LAMP1: variants seen among roughly 807,000 people sequenced by gnomAD.
LAMP1 encodes lysosome associated membrane protein 1.
Under a neutral mutation model 37.5 loss-of-function variants are expected in LAMP1, and 7 were observed. That is an observed-to-expected ratio of 0.19 (90% confidence interval 0.11 to 0.35). The LOEUF is 0.35. Ranked by LOEUF, LAMP1 falls within the 10% of genes least tolerant of loss-of-function variation. The pLI is 1.00. For missense variants in LAMP1, 537 were observed against 552.8 expected (o/e 0.97, Z 0.29); for synonymous variants, 236 against 229.1 (o/e 1.03, Z -0.27).
chr13:113,309,377 A>G (rs1037525786), intron 2 of LAMP1, among the ~76,000 whole-genome samples: 1 of 152,234 alleles, frequency 6.6e-6, no homozygotes, highest in African/African-American at 2.4e-5. Context: ...TTAGCATTAC[A>G]GGTGTGAGCC....
At chr13:113,315,228 CT>C (rs1473272669) in intron 4 of LAMP1, among the ~76,000 whole-genome samples, 2 of 148,882 alleles carry the variant, frequency 1.3e-5, no homozygotes, top group Non-Finnish European at 3.0e-5. Flanking sequence ...GCGTGGCCTC[CT>C]GGAGGGAGCC....
intron 4 of LAMP1, among the ~76,000 whole-genome samples, chr13:113,316,137 C>CA (rs1437638596): frequency 3.9e-5 from 6 of 152,132 alleles, no homozygotes; most frequent in Admixed American, 1.3e-4. Context: ...AGATGACTGT[C>CA]ACTCCAGAGG....
At chr13:113,306,461 C>T (rs1328802179) in intron 1 of LAMP1, 24 bp from the exon 2 acceptor site, 1 of 1,609,934 alleles carries the variant, frequency 6.2e-7, no homozygotes, top group Non-Finnish European at 8.5e-7. Flanking sequence ...TTTTGATGGT[C>T]TCCGTCTTCC....
At chr13:113,307,195 T>G (rs867632755) in intron 2 of LAMP1, among the ~76,000 whole-genome samples, 29 of 148,370 alleles carry the variant, frequency 2.0e-4, no homozygotes, top group Admixed American at 6.2e-4. Context: ...TCTTGGTTTG[T>G]CGCCCAGGCT....
At chr13:113,311,328 AG>A (rs1328162580) in intron 4 of LAMP1, among the ~76,000 whole-genome samples, 10 of 152,264 alleles carry the variant, frequency 6.6e-5, no homozygotes, top group African/African-American at 2.2e-4. Context: ...ACCATAAAAA[AG>A]TAAGTGTTTG....
chr13:113,299,673 G>A (rs929784870), intron 1 of LAMP1, among the ~76,000 whole-genome samples: 11 of 151,076 alleles, frequency 7.3e-5, no homozygotes, highest in Admixed American at 7.3e-4. Flanking sequence ...TGTTCAAGCA[G>A]TTCTCCTGCC....
At chr13:113,298,490 A>G (rs1566395472) in intron 1 of LAMP1, among the ~76,000 whole-genome samples, 1 of 144,316 alleles carries the variant, frequency 6.9e-6, no homozygotes, top group African/African-American at 2.6e-5. Flanking sequence ...AAGCTGGGGG[A>G]GTGTGTGTGA....
chr13:113,310,093 G>A (rs1401279843), intron 3 of LAMP1, among the ~76,000 whole-genome samples: 1 of 152,098 alleles, frequency 6.6e-6, no homozygotes, highest in African/African-American at 2.4e-5. Context: ...GCCAGGTGTG[G>A]TGGCGGGCAC....
chr13:113,305,869 C>T (rs1468468827), intron 1 of LAMP1: 1 of 152,344 alleles, frequency 6.6e-6, no homozygotes, highest in African/African-American at 2.4e-5. Context: ...CAGCGTATGC[C>T]TAGGATGATG....
At chr13:113,299,256 T>G (rs1357568507) in intron 1 of LAMP1, among the ~76,000 whole-genome samples, 1 of 151,530 alleles carries the variant, frequency 6.6e-6, no homozygotes, top group African/African-American at 2.4e-5. Flanking sequence ...ATTATATCTT[T>G]TATGTTTACA....
intron 4 of LAMP1, among the ~76,000 whole-genome samples, chr13:113,317,720 A>C (rs1207750132): frequency 6.8e-6 from 1 of 146,922 alleles, no homozygotes; most frequent in Admixed American, 6.8e-5. Flanking sequence ...TTTTTGAGAC[A>C]GGGTCTCCCA....
At chr13:113,307,792 T>TG (rs1233460770) in intron 2 of LAMP1, among the ~76,000 whole-genome samples, 1 of 15,164 alleles carries the variant, frequency 6.6e-5, no homozygotes, top group Non-Finnish European at 2.1e-4. Context: ...TCTTATCTCT[T>TG]TTTTAAAAAA....
At chr13:113,310,897 C>T in intron 4 of LAMP1, 30 bp downstream of exon 4, 1 of 1,598,620 alleles carries the variant, frequency 6.3e-7, no homozygotes, top group Non-Finnish European at 8.5e-7. Context: ...CCCTCTGGTG[C>T]TAGTGGTTGG....
intron 4 of LAMP1, among the ~76,000 whole-genome samples, chr13:113,317,303 T>A (rs1275298978): frequency 6.6e-6 from 1 of 152,170 alleles, no homozygotes; most frequent in African/African-American, 2.4e-5. Flanking sequence ...TCCGTCACTG[T>A]CCTCCGCCCT....
intron 1 of LAMP1, among the ~76,000 whole-genome samples, chr13:113,301,854 A>ATTTTTTTTTTTT (rs1595456796): frequency 9.2e-6 from 1 of 108,558 alleles, no homozygotes; most frequent in East Asian, 3.1e-4. Context: ...CTAAGATGTG[A>ATTTTTTTTTTTT]TTTCTTTTTT....
rs570846043 is a variant in LAMP1 at position 113,313,107 on chromosome 13, C to T, written c.562+2240C>T. Among the ~76,000 whole-genome samples, 5 of 152,250 alleles carry T rather than the reference C, an allele frequency of 3.3e-5. No homozygotes were observed. The South Asian group carries it at 1.0e-3, about 32-fold the overall frequency. ...CTGGACACGGTTGCAGAACGTGTCT[C>T]CTCCCCATGTCGCTCTGTGACCGAG... On this transcript the variant is annotated intron_variant, in intron 4 of 8. Transcript: ENST00000332556.
intron 5 of LAMP1, 86 bp downstream of exon 5, chr13:113,319,742 T>C (rs1566404200): frequency 2.4e-6 from 3 of 1,255,982 alleles, no homozygotes; most frequent in Non-Finnish European, 3.4e-6. Context: ...CACGCGTCTC[T>C]GCACGTCATG....
chr13:113,317,252 G>C (rs2042670667), intron 4 of LAMP1, among the ~76,000 whole-genome samples: 1 of 152,166 alleles, frequency 6.6e-6, no homozygotes, highest in Non-Finnish European at 1.5e-5. Context: ...TCTCCCCCCG[G>C]GCAGCGCAGG....
chr13:113,313,721 T>G, intron 4 of LAMP1, among the ~76,000 whole-genome samples: 1 of 123,890 alleles, frequency 8.1e-6, no homozygotes, highest in Non-Finnish European at 1.6e-5. Context: ...GAGATGTCAG[T>G]GTGCCTGGGG....
Sources: gnomAD v4.1 joint callset for allele counts (sites outside exome capture counted in the v4.1 genomes callset) on GRCh38, gnomAD v4.1.1 for gene constraint, MANE v1.5 for transcripts, NCBI Gene and HGNC (gene_info 2026-07-23, HGNC 2026-07-21) for gene names.